The following TIAM2 variants were observed in gnomAD, a reference collection of about 807,000 sequenced individuals.
TIAM2 encodes the protein rho guanine nucleotide exchange factor TIAM2.
Under a neutral mutation model 152.9 loss-of-function variants are expected in TIAM2, and 80 were observed. The observed-to-expected ratio is 0.52, with a 90% CI of 0.44 to 0.63. The LOEUF (loss-of-function observed/expected upper bound fraction) is 0.63, where lower values mean the gene tolerates loss of function less well. TIAM2 is among the 30% of genes least tolerant of loss of function. TIAM2 has a pLI of 0.00. For synonymous variants in TIAM2, 804 were observed against 838.0 expected (o/e 0.96, Z 0.70); for missense variants, 1,965 against 2,120.1 (o/e 0.93, Z 1.44).
chr6:155,095,079 A>G (rs1275022104), intron 2 of TIAM2, among the ~76,000 whole-genome samples: 1 of 151,984 alleles, frequency 6.6e-6, no homozygotes, highest in East Asian at 1.9e-4. Flanking sequence ...GGCTTGGTGA[A>G]ATGGGGACAG....
At chr6:155,230,775 ATATT>A (rs1782435938) in intron 15 of TIAM2, among the ~76,000 whole-genome samples, 1 of 98,212 alleles carries the variant, frequency 1.0e-5, no homozygotes, top group Non-Finnish European at 2.0e-5. Context: ...CTATGCATAC[ATATT>A]TATATAAGTA....
chr6:155,138,872 G>A (rs1199971217), intron 5 of TIAM2, among the ~76,000 whole-genome samples: 3 of 152,004 alleles, frequency 2.0e-5, no homozygotes, highest in Non-Finnish European at 4.4e-5. Flanking sequence ...AAACATAAAG[G>A]CAATAGAAGT....
At chr6:155,217,168 C>G (rs1042540597) in intron 15 of TIAM2, 2 of 1,272,086 alleles carry the variant, frequency 1.6e-6, no homozygotes, top group Non-Finnish European at 2.0e-6. Context: ...GTTTCCTTTT[C>G]TTGATTGAAA....
At chr6:155,132,621 T>A (rs1779472768) in intron 4 of TIAM2, among the ~76,000 whole-genome samples, 1 of 152,204 alleles carries the variant, frequency 6.6e-6, no homozygotes, top group South Asian at 2.1e-4. Context: ...AAACAACTGA[T>A]CCCCACTGAG....
At chr6:155,093,399 A>G (rs932720831) in intron 2 of TIAM2, among the ~76,000 whole-genome samples, 2 of 152,172 alleles carry the variant, frequency 1.3e-5, no homozygotes, top group African/African-American at 4.8e-5. Context: ...AGGTGTGGAA[A>G]GGGCGTCCTG....
In TIAM2 at chr6:155,183,416, G is replaced by T; in HGVS notation, c.2980G>T (p.Asp994Tyr). ...SWSDSDLFSR[D>Y]QKSLLPPPNQ... ...GTCAGACAGTGACCTGTTCTCCAGG[G>T]ACCAGAAGAGTCTGCTGCCCCCTCC... The change falls in exon 14 of 27, where the codon GAC (aspartate) becomes TAC (tyrosine). Residue 994 changes from aspartate to tyrosine, a missense_variant. By Grantham distance (160) the Asp-to-Tyr change is radical (BLOSUM62 -3). Around this residue, in one of 3 missense-constraint regions of TIAM2, gnomAD observed 935 missense variants for 980.0 expected, o/e 0.95. Transcript: ENST00000682666. 2 of 1,614,152 alleles carry T rather than the reference G, an allele frequency of 1.2e-6. No homozygotes were observed. Among genetic ancestry groups the T allele is most frequent in the Non-Finnish European group, 1.7e-6 (2 of 1,180,034 alleles).
intron 1 of TIAM2, chr6:155,004,781 C>G (rs181577352): frequency 6.6e-6 from 1 of 152,542 alleles, no homozygotes; most frequent in Admixed American, 6.5e-5. Flanking sequence ...ACTTACCAGG[C>G]GAATAGACTA....
rs71023612 is a variant in TIAM2 at position 155,057,017 on chromosome 6, C to CTT, written c.-208-33244_-208-33243dup. On this transcript the variant is annotated intron_variant, in intron 1 of 26. Transcript: ENST00000682666. ...AGTAGAATGTTCCTCAGTTTTCTTT[C>CTT]TTTTTTTTTTTTTTTTTTTTTTTTT... Among the ~76,000 whole-genome samples, 404 of 43,854 alleles carry CTT rather than the reference C, an allele frequency of 9.2e-3. 62 individuals carry two copies. The highest frequency in any genetic ancestry group is 0.011 in the African/African-American group (138 of 12,378). The allele number at this position is 43,854 out of a possible 152,430, so 28.8% of individuals were successfully genotyped here.
chr6:155,142,407 G>A (rs775842644), intron 5 of TIAM2, among the ~76,000 whole-genome samples: 2 of 152,208 alleles, frequency 1.3e-5, no homozygotes, highest in Non-Finnish European at 2.9e-5. Context: ...ATTGGCCCAA[G>A]GTTTGCATTC....
Position 155,130,335 on chromosome 6 carries a change from CGAA to C in TIAM2, c.1117_1119del (p.Lys373del), listed in dbSNP as rs1432514800. ...CCCAAAGCCTTTGTTGAGGATACTG[CGAA>C]GAAGGACTCCCTCAAAGCCAGGATG... On this transcript the variant is annotated inframe_deletion, in exon 4 of 27. Transcript: ENST00000682666. 12 of 1,613,960 alleles carry C rather than the reference CGAA, an allele frequency of 7.4e-6. No individual in the cohort carries two copies. Among genetic ancestry groups the C allele is most frequent in the Admixed American group, 1.7e-5 (1 of 59,998 alleles).
At position 155,156,213 on chromosome 6, in the gene TIAM2, C is replaced by T. The variant is rs939017544; in HGVS notation, c.2028+7879C>T. Among the ~76,000 whole-genome samples the T allele has an allele frequency of 6.6e-6, 1 of 152,266 alleles. No homozygotes were observed. The highest frequency in any genetic ancestry group is 6.5e-5 in the Admixed American group (1 of 15,284). ...GGCCAAGGCACAGTGGGAGCAAATG[C>T]AGTGTGGTTTTAGGTAGGTGGTGAG... On this transcript the variant is annotated intron_variant, in intron 7 of 26. Coordinates refer to ENST00000682666, the MANE Select transcript of TIAM2 (RefSeq NM_012454.4). This position sits in a 1 kb window ranked among gnomAD's most constrained non-coding sequence, Gnocchi z 4.4.
At position 155,168,989 on chromosome 6, in the gene TIAM2, TTTG is replaced by T; in HGVS notation, c.2361+3583_2361+3585del. 3 of 1,361,600 alleles carry T rather than the reference TTTG, an allele frequency of 2.2e-6. No individual in the cohort carries two copies. The South Asian group carries it at 4.3e-5, about 20-fold the overall frequency. The allele number at this position is 1,361,600 out of a possible 1,614,324, so 84.3% of individuals were successfully genotyped here. A position where few individuals can be genotyped will look rare whatever the true frequency, so the allele number is the denominator to read the frequency against. The stretch of plus-strand genomic sequence containing the variant: ...CAAATGCTAACTTTTTCTGTTTTTT[TTTG>T]TTTGTTTTTGTTTTTGTTTTTGAGA... On this transcript the variant is annotated intron_variant, in intron 9 of 26. Coordinates refer to ENST00000682666, the MANE Select transcript of TIAM2 (RefSeq NM_012454.4).
rs1347441251 is a variant in TIAM2 at position 155,137,175 on chromosome 6, A to G, written c.1195-2A>G. 1 of 1,610,836 alleles carries G rather than the reference A, an allele frequency of 6.2e-7. No homozygotes were observed. The highest frequency in any genetic ancestry group is 8.5e-7 in the Non-Finnish European group (1 of 1,177,578). On this transcript the variant is annotated splice_acceptor_variant, in intron 4 of 26. Transcript: ENST00000682666. LOFTEE classifies it high-confidence loss of function. ...ATGGGTGATCATGTGTGTTTCTCAC[A>G]GGAGCCGAGGTCCAAGGAGGGCAGT...
At chr6:155,029,477 T>TATATATA (rs1562295187) in intron 1 of TIAM2, among the ~76,000 whole-genome samples, 82 of 3,476 alleles carry the variant, frequency 0.024, 22 homozygotes, top group South Asian at 0.031. Context: ...TATACTATAG[T>TATATATA]ATATATACTA....
intron 15 of TIAM2, among the ~76,000 whole-genome samples, chr6:155,233,971 A>C (rs554480827): frequency 2.1e-5 from 3 of 144,966 alleles, no homozygotes; most frequent in African/African-American, 7.7e-5. Context: ...TCAAAAAAAC[A>C]AAACAAAAAC....
intron 14 of TIAM2, among the ~76,000 whole-genome samples, chr6:155,200,200 A>T (rs1781444521): frequency 6.6e-6 from 1 of 152,174 alleles, no homozygotes; most frequent in African/African-American, 2.4e-5. Flanking sequence ...GAGGGTTGGG[A>T]CTGATGATCA....
chr6:155,040,784 G>T (rs1349963391), intron 1 of TIAM2, among the ~76,000 whole-genome samples: 1 of 152,144 alleles, frequency 6.6e-6, no homozygotes, highest in East Asian at 1.9e-4. Context: ...CTCCCAAAGT[G>T]CTGGGATTAC....
At chr6:155,201,999 T>G (rs1255928660) in intron 14 of TIAM2, among the ~76,000 whole-genome samples, 1 of 150,560 alleles carries the variant, frequency 6.6e-6, no homozygotes, top group Non-Finnish European at 1.5e-5. Flanking sequence ...ACATTCAGAC[T>G]GCTGCTTTGA....
chr6:155,257,057 A>AGAG lies in TIAM2; in HGVS notation c.5043_5045dup (p.Gln1681_Ser1682insArg), dbSNP rs1784097693. The AGAG allele has an allele frequency of 3.1e-6, 5 of 1,614,244 alleles. No individual in the cohort carries two copies. In the East Asian group the frequency reaches 1.1e-4, roughly 36 times the overall value. On this transcript the variant is annotated inframe_insertion, in exon 27 of 27. Coordinates refer to ENST00000682666, the MANE Select transcript of TIAM2 (RefSeq NM_012454.4). Reference sequence around the variant, plus strand: ...GTTCTAGAGCGAGAATTCAGTGTCCAGAGTTTAACATCTGTTGTCAGTGAG... The same window carrying AGAG: ...GTTCTAGAGCGAGAATTCAGTGTCCAGAGGAGTTTAACATCTGTTGTCAGTGAG...
Sources: gnomAD v4.1 joint callset for allele counts (sites outside exome capture counted in the v4.1 genomes callset) on GRCh38, gnomAD v4.1.1 for gene constraint, gnomAD v4.1.1 regional missense constraint, Gnocchi (gnomAD v3.1) non-coding constraint, MANE v1.5 for transcripts, NCBI Gene and HGNC (gene_info 2026-07-23, HGNC 2026-07-21) for gene names.